Variants in UIMC1 observed in about 807,000 individuals in gnomAD.
UIMC1 encodes the protein BRCA1-A complex subunit RAP80.
In UIMC1, 42 loss-of-function variants were observed where a neutral mutation model predicts 84.9. That is an observed-to-expected ratio of 0.49 (90% CI 0.39 to 0.64). The LOEUF is 0.64. Ranked by LOEUF, UIMC1 falls within the 30% of genes least tolerant of loss-of-function variation. UIMC1 has a pLI of 0.00. For missense variants in UIMC1, 825 were observed against 847.6 expected (o/e 0.97, Z 0.33); for synonymous variants, 281 against 293.0 (o/e 0.96, Z 0.42).
At chr5:176,970,465 AGTCTTTTC>A in intron 4 of UIMC1, 1 of 439,622 alleles carries the variant, frequency 2.3e-6, no homozygotes, top group Non-Finnish European at 4.2e-6. Flanking sequence ...GTATTCAGTA[AGTCTTTTC>A]AGAAGCTGTC....
At chr5:176,944,562 G>A (rs139076349) in intron 9 of UIMC1, among the ~76,000 whole-genome samples, 58 of 152,234 alleles carry the variant, frequency 3.8e-4, no homozygotes, top group African/African-American at 1.3e-3. Context: ...AGGGACACCC[G>A]GGCTGTCATT....
chr5:176,941,119 A>G (rs537933036), intron 10 of UIMC1, among the ~76,000 whole-genome samples: 2 of 152,250 alleles, frequency 1.3e-5, no homozygotes, highest in African/African-American at 4.8e-5. Flanking sequence ...AGCATTTCAA[A>G]TATGTAATAA....
chr5:177,022,198 A>C (rs1223346732), intron 1 of UIMC1, among the ~76,000 whole-genome samples: 1 of 152,072 alleles, frequency 6.6e-6, no homozygotes, highest in Non-Finnish European at 1.5e-5. Flanking sequence ...TAGCCATTCG[A>C]GTGAACTGTG....
At chr5:176,950,063 A>G (rs971147902) in intron 9 of UIMC1, among the ~76,000 whole-genome samples, 5 of 151,128 alleles carry the variant, frequency 3.3e-5, no homozygotes, top group Non-Finnish European at 7.4e-5. Context: ...CTCGAGGAGA[A>G]AAAATACAAA....
chr5:176,906,147 A>C, intron 13 of UIMC1, 100 bp from the exon 14 acceptor site: 1 of 1,113,230 alleles, frequency 9.0e-7, no homozygotes. Context: ...ACTGCTTCTC[A>C]TCAGGCCTAT....
chr5:176,988,651 G>A (rs952128722), intron 1 of UIMC1, among the ~76,000 whole-genome samples: 10 of 150,998 alleles, frequency 6.6e-5, no homozygotes, highest in Admixed American at 1.3e-4. Context: ...CACTTAAAAT[G>A]ACTGAAATGG....
chr5:177,021,718 G>T (rs11953924), intron 1 of UIMC1, among the ~76,000 whole-genome samples: 15,280 of 151,902 alleles, frequency 0.1, 1,626 homozygotes, highest in African/African-American at 0.27. Flanking sequence ...AATGGCGCCA[G>T]CTCGGCTCAC....
chr5:177,012,445 C>T (rs1775569975), intron 1 of UIMC1, among the ~76,000 whole-genome samples: 1 of 152,152 alleles, frequency 6.6e-6, no homozygotes. Context: ...CACCTGCAAT[C>T]CCGGCACTTT....
intron 10 of UIMC1, among the ~76,000 whole-genome samples, chr5:176,928,269 G>T (rs75968547): frequency 0.027 from 4,074 of 152,184 alleles, 197 homozygotes; most frequent in African/African-American, 0.093. Context: ...GAGTAGTTGC[G>T]ACAGAGACCA....
At chr5:176,969,494 T>G (rs1324022211) in intron 5 of UIMC1, 107 bp downstream of exon 5, 1 of 1,312,388 alleles carries the variant, frequency 7.6e-7, no homozygotes, top group Non-Finnish European at 1.1e-6. Context: ...ACTTCTTTAT[T>G]ATCACCAAAA....
chr5:176,982,862 C>T (rs934667331), intron 1 of UIMC1, among the ~76,000 whole-genome samples: 1 of 152,160 alleles, frequency 6.6e-6, no homozygotes, highest in Non-Finnish European at 1.5e-5. Context: ...ACCACACTGG[C>T]TAATTTTTGC....
In UIMC1 at chr5:176,908,703, T is replaced by C. The variant is rs376967871; in HGVS notation, c.1677-9A>G. 1.4e-5 allele frequency: 22 copies of C among 1,602,724 alleles called. No individual in the cohort carries two copies. Among genetic ancestry groups the C allele is most frequent in the African/African-American group, 5.4e-5 (4 of 74,238 alleles). ...GGTAACACTTCTCATTCCTATCCAATAAGAAAAAAGGAAGAAAACACAGTT... is the reference window on the plus strand; with the variant it reads ...GGTAACACTTCTCATTCCTATCCAACAAGAAAAAAGGAAGAAAACACAGTT... On this transcript the variant is annotated splice_polypyrimidine_tract_variant and intron_variant, in intron 11 of 14. Coordinates refer to ENST00000511320, the MANE Select transcript of UIMC1 (RefSeq NM_001199298.2).
rs553991167 is a variant in UIMC1 at position 176,965,218 on chromosome 5, G to A, written c.1200+3337C>T. ...GGGTGGATCACGAGGTCAGGAGATC[G>A]AGACCATCCTGGCTAACACGGTGAA... On this transcript the variant is annotated intron_variant, in intron 6 of 14. Transcript: ENST00000511320. Among the ~76,000 whole-genome samples the A allele has an allele frequency of 1.2e-3, 183 of 152,136 alleles. 6 individuals carry two copies. The South Asian group carries it at 0.035, about 29-fold the overall frequency.
intron 10 of UIMC1, among the ~76,000 whole-genome samples, chr5:176,929,935 T>C (rs953962242): frequency 1.3e-5 from 2 of 152,178 alleles, no homozygotes; most frequent in African/African-American, 4.8e-5. Context: ...TAAATAAAGA[T>C]AATAGTAAGT....
At chr5:176,911,101 AG>A (rs1760095332) in intron 11 of UIMC1, among the ~76,000 whole-genome samples, 1 of 143,634 alleles carries the variant, frequency 7.0e-6, no homozygotes. Flanking sequence ...AAAAAAAAAA[AG>A]AGAGAGAGAG....
At chr5:176,918,539 G>A (rs1285832080) in intron 10 of UIMC1, among the ~76,000 whole-genome samples, 2 of 152,100 alleles carry the variant, frequency 1.3e-5, no homozygotes, top group African/African-American at 2.4e-5. Context: ...TGACTTCCAT[G>A]GTTCTAATGA....
intron 14 of UIMC1, 163 bp downstream of exon 14, chr5:176,905,848 G>T: frequency 1.4e-6 from 1 of 717,150 alleles, no homozygotes; most frequent in Non-Finnish European, 2.3e-6. Context: ...CCAATCTTTA[G>T]CTAAATGGGG....
At chr5:177,011,455 C>T (rs932362339), upstream of UIMC1, among the ~76,000 whole-genome samples, 1 of 151,914 alleles carries the variant, frequency 6.6e-6, no homozygotes, top group Non-Finnish European at 1.5e-5. Flanking sequence ...TGGTGGTGTG[C>T]ACCTATAATC....
chr5:177,022,593 C>A, exon 1 of UIMC1: 1 of 873,482 alleles, frequency 1.1e-6, no homozygotes, highest in Non-Finnish European at 1.6e-6. Flanking sequence ...GGTAGCAAAG[C>A]AAAATAAGCG....
Sources: gnomAD v4.1 joint callset for allele counts (sites outside exome capture counted in the v4.1 genomes callset) on GRCh38, gnomAD v4.1.1 for gene constraint, MANE v1.5 for transcripts, NCBI Gene and HGNC (gene_info 2026-07-23, HGNC 2026-07-21) for gene names.